WNT7A: variants seen among roughly 807,000 people sequenced by gnomAD.
WNT7A encodes the protein protein Wnt-7a.
WNT7A carries 16 observed loss-of-function variants against 28.2 expected under a neutral mutation model. The observed-to-expected ratio is 0.57, with a 90% CI of 0.38 to 0.86. The LOEUF (loss-of-function observed/expected upper bound fraction) is 0.86. Among genes scored for constraint, WNT7A ranks in the 40% least tolerant of loss-of-function variants. The pLI is 0.00. For missense variants in WNT7A, 411 were observed against 489.7 expected (o/e 0.84, Z 1.52); for synonymous variants, 190 against 195.9 (o/e 0.97, Z 0.25).
At chr3:13,850,561 T>G (rs1032653359) in intron 3 of WNT7A, among the ~76,000 whole-genome samples, 95 of 152,248 alleles carry the variant, frequency 6.2e-4, no homozygotes, top group African/African-American at 1.8e-3. Flanking sequence ...CTCACCTCCC[T>G]TGGAGCAAGA....
intron 2 of WNT7A, among the ~76,000 whole-genome samples, chr3:13,872,057 C>T (rs1695034683): frequency 6.6e-6 from 1 of 152,194 alleles, no homozygotes; most frequent in Non-Finnish European, 1.5e-5. Context: ...TGCTCTTTCC[C>T]CAGACATGCC....
At chr3:13,825,066 A>C (rs1281477967) in intron 3 of WNT7A, among the ~76,000 whole-genome samples, 1 of 152,210 alleles carries the variant, frequency 6.6e-6, no homozygotes, top group Non-Finnish European at 1.5e-5. Flanking sequence ...TGTATGAGAA[A>C]GAAGACTCAT....
At chr3:13,826,236 C>G (rs1032195883) in intron 3 of WNT7A, among the ~76,000 whole-genome samples, 7 of 152,204 alleles carry the variant, frequency 4.6e-5, no homozygotes, top group African/African-American at 1.7e-4. Flanking sequence ...CACCTCTGAG[C>G]TTGTGATTCC....
At chr3:13,879,697 G>C in intron 1 of WNT7A, 49 bp downstream of exon 1, 1 of 1,589,976 alleles carries the variant, frequency 6.3e-7, no homozygotes, top group Non-Finnish European at 8.6e-7. Context: ...TCCCCGGGCC[G>C]TGCCAACTTT....
intron 2 of WNT7A, among the ~76,000 whole-genome samples, chr3:13,866,201 C>T (rs1308701392): frequency 6.6e-6 from 1 of 152,254 alleles, no homozygotes; most frequent in East Asian, 1.9e-4. Flanking sequence ...GGACTGTGCC[C>T]TCCATGTGCC....
chr3:13,843,579 G>A (rs761129486), intron 3 of WNT7A, among the ~76,000 whole-genome samples: 4 of 151,936 alleles, frequency 2.6e-5, no homozygotes, highest in Non-Finnish European at 5.9e-5. Flanking sequence ...GAACACCTCC[G>A]GGGGACTGAG....
chr3:13,846,037 A>G (rs776919585), intron 3 of WNT7A, among the ~76,000 whole-genome samples: 1 of 152,162 alleles, frequency 6.6e-6, no homozygotes, highest in Non-Finnish European at 1.5e-5. Flanking sequence ...CTCACCTGCC[A>G]AGGTGGCACA....
rs372068266 is a variant in WNT7A, at chr3:13,874,976, C to A, written c.269G>T (p.Arg90Leu). The change falls in exon 2 of 4, where the codon CGC becomes CTC. Residue 90 changes from arginine to leucine, a missense_variant. By Grantham distance (102) the Arg-to-Leu change is moderately radical. Transcript: ENST00000285018. Reference sequence around the variant, plus strand: ...TTTGAGCTCCTTCCCGAAGACGGTGCGCTCTCCCAGTGCAGAGCAGTTCCA... The same window carrying A: ...TTTGAGCTCCTTCCCGAAGACGGTGAGCTCTCCCAGTGCAGAGCAGTTCCA... ...GRWNCSALGE[R>L]TVFGKELKVG... 1 of 1,614,054 alleles carries A rather than the reference C, an allele frequency of 6.2e-7. No individual in the cohort carries two copies. Among genetic ancestry groups the A allele is most frequent in the Non-Finnish European group, 8.5e-7 (1 of 1,180,048 alleles).
chr3:13,859,342 T>C (rs1260570792), intron 2 of WNT7A, among the ~76,000 whole-genome samples: 5 of 152,216 alleles, frequency 3.3e-5, no homozygotes, highest in African/African-American at 9.6e-5. Context: ...TGTGTGACCT[T>C]GGGCAAGTCA....
chr3:13,872,778 G>T (rs1176971096), intron 2 of WNT7A, among the ~76,000 whole-genome samples: 1 of 152,126 alleles, frequency 6.6e-6, no homozygotes, highest in Non-Finnish European at 1.5e-5. Context: ...CAGCCCTCCT[G>T]CTCCACCCCA....
chr3:13,860,552 A>T (rs563140366), intron 2 of WNT7A, among the ~76,000 whole-genome samples: 25 of 152,336 alleles, frequency 1.6e-4, no homozygotes, highest in African/African-American at 5.8e-4. Context: ...ATCTTAAAAT[A>T]AATCTCAGAC....
At chr3:13,871,126 A>C (rs530206477) in intron 2 of WNT7A, among the ~76,000 whole-genome samples, 1 of 152,334 alleles carries the variant, frequency 6.6e-6, no homozygotes, top group South Asian at 2.1e-4. Flanking sequence ...CATGTGACTA[A>C]GTTCTGGCCA....
chr3:13,868,178 C>T (rs951314460), intron 2 of WNT7A, among the ~76,000 whole-genome samples: 10 of 151,864 alleles, frequency 6.6e-5, no homozygotes, highest in Admixed American at 1.3e-4. Flanking sequence ...GGGGTAAATT[C>T]GAGGAAGGTC....
chr3:13,864,396 A>G (rs1694879138), intron 2 of WNT7A, among the ~76,000 whole-genome samples: 1 of 151,986 alleles, frequency 6.6e-6, no homozygotes. Context: ...TCTGGATCCC[A>G]GGGCTCCTGT....
chr3:13,837,346 G>A (rs1180030014), intron 3 of WNT7A, among the ~76,000 whole-genome samples: 4 of 146,478 alleles, frequency 2.7e-5, no homozygotes, highest in African/African-American at 7.7e-5. Flanking sequence ...ACAGTGCCCC[G>A]CATCAGCCCC....
rs1549973 is a variant in WNT7A at position 13,816,735 on chromosome 3, G to A, written c.*2209C>T. 105,822 of 151,536 alleles carry A rather than the reference G, an allele frequency of 0.7. 37,621 individuals carry two copies. The highest frequency in any genetic ancestry group is 0.9 in the East Asian group (4,629 of 5,116). The allele number at this position is 151,536 out of a possible 1,614,324, so 9.4% of individuals were successfully genotyped here. On this transcript the variant is annotated 3_prime_UTR_variant, in exon 4 of 4. Coordinates refer to ENST00000285018, the MANE Select transcript of WNT7A (RefSeq NM_004625.4). ...TTCCTAGCTATTCATCCATTCATCC[G>A]CTCACTTATCAATCCATCCACCCAT...
intron 3 of WNT7A, among the ~76,000 whole-genome samples, chr3:13,828,512 A>T (rs940548157): frequency 6.6e-6 from 1 of 152,218 alleles, no homozygotes; most frequent in Admixed American, 6.5e-5. Context: ...CTGCAACAGA[A>T]ATCCTTTCAT....
At position 13,879,842 on chromosome 3, in the gene WNT7A, G is replaced by T; in HGVS notation, c.-26C>A. ...AGTCCCGATTGGCCGCCGGGGCCGC[G>T]GGCCGGGCTGTGCTGATCCCGCGGG... On this transcript the variant is annotated 5_prime_UTR_variant, in exon 1 of 4. Coordinates refer to ENST00000285018, the MANE Select transcript of WNT7A (RefSeq NM_004625.4). 2 of 1,604,402 alleles carry T rather than the reference G, an allele frequency of 1.2e-6. No homozygotes were observed. Among genetic ancestry groups the T allele is most frequent in the South Asian group, 1.1e-5 (1 of 89,876 alleles).
At chr3:13,845,141 C>G (rs1694519174) in intron 3 of WNT7A, among the ~76,000 whole-genome samples, 1 of 152,254 alleles carries the variant, frequency 6.6e-6, no homozygotes, top group African/African-American at 2.4e-5. Flanking sequence ...AGCAGCCACA[C>G]TGGGAATTCC....
Sources: gnomAD v4.1 joint callset for allele counts (sites outside exome capture counted in the v4.1 genomes callset) on GRCh38, gnomAD v4.1.1 for gene constraint, MANE v1.5 for transcripts, NCBI Gene and HGNC (gene_info 2026-07-23, HGNC 2026-07-21) for gene names.